MEGF10: variants seen among roughly 807,000 people sequenced by gnomAD.
MEGF10 encodes the protein multiple epidermal growth factor-like domains protein 10.
MEGF10 carries 86 observed loss-of-function variants against 147.5 expected under a neutral mutation model. The observed-to-expected ratio is 0.58, with a 90% CI of 0.49 to 0.70. MEGF10 has a LOEUF of 0.70. Among genes scored for constraint, MEGF10 ranks in the 30% least tolerant of loss-of-function variants. The pLI is 0.00. For missense variants in MEGF10, 1,329 were observed against 1,487.3 expected, an observed-to-expected ratio of 0.89 and a Z score of 1.75; for synonymous variants, 478 against 525.5, an observed-to-expected ratio of 0.91 and a Z score of 1.24.
chr5:127,249,060 A>G, the MEGF10 span, among the ~76,000 whole-genome samples: 2 of 152,176 alleles, frequency 1.3e-5, no homozygotes, highest in Non-Finnish European at 2.9e-5. Flanking sequence ...GGCAAATATG[A>G]ATAAATTTTA....
chr5:127,317,658 C>T (rs1760615277), intron 1 of MEGF10, among the ~76,000 whole-genome samples: 4 of 152,106 alleles, frequency 2.6e-5, no homozygotes, highest in Admixed American at 2.6e-4. Context: ...GGACAGAAAA[C>T]CAAACACCCC....
At chr5:127,422,854 A>C in intron 13 of MEGF10, 82 bp downstream of exon 13, 1 of 993,908 alleles carries the variant, frequency 1.0e-6, no homozygotes, top group Non-Finnish European at 1.5e-6. Flanking sequence ...TCACAGAAAC[A>C]CACACCAGTC....
chr5:127,435,664 C>T (rs1765531220), intron 16 of MEGF10, among the ~76,000 whole-genome samples, 175 bp downstream of exon 16: 2 of 151,354 alleles, frequency 1.3e-5, no homozygotes, highest in African/African-American at 4.9e-5. Flanking sequence ...CCATTACGAC[C>T]TCTATGCAAT....
rs1405509455 is a variant in MEGF10 at position 127,459,917 on chromosome 5, C to G, written c.*2599C>G. ...ATCAATTTGGGTAAAGAAAGGAATA[C>G]TTTTGTTAGAATGAGAATTAAAGAG... On this transcript the variant is annotated 3_prime_UTR_variant, in exon 25 of 25. Transcript: ENST00000503335. 2.6e-5 allele frequency: 4 copies of G among 152,142 alleles called. No homozygotes were observed. Among genetic ancestry groups the G allele is most frequent in the Admixed American group, 2.6e-4 (4 of 15,262 alleles). 9.4% of individuals were successfully genotyped at this position (152,142 alleles called of 1,614,324 possible).
intron 22 of MEGF10, among the ~76,000 whole-genome samples, chr5:127,449,543 A>G (rs1326551109): frequency 6.6e-6 from 1 of 152,208 alleles, no homozygotes; most frequent in Non-Finnish European, 1.5e-5. Context: ...TACTATTGTT[A>G]TCACCATCTG....
At chr5:127,368,826 C>T (rs1206134833) in intron 4 of MEGF10, among the ~76,000 whole-genome samples, 1 of 151,788 alleles carries the variant, frequency 6.6e-6, no homozygotes, top group Non-Finnish European at 1.5e-5. Context: ...ATATTAATGA[C>T]ATGGAAATAT....
chr5:127,357,348 G>T (rs554667060), intron 4 of MEGF10, among the ~76,000 whole-genome samples: 2 of 152,214 alleles, frequency 1.3e-5, no homozygotes, highest in South Asian at 4.1e-4. Context: ...ATATAAAGTG[G>T]CTCCTGATGT....
At position 127,360,862 on chromosome 5, in the gene MEGF10, G is replaced by GTATATA. The variant is rs201793273; in HGVS notation, c.320-9047_320-9046insATATAT. On this transcript the variant is annotated intron_variant, in intron 4 of 24. Coordinates refer to ENST00000503335, the MANE Select transcript of MEGF10 (RefSeq NM_001256545.2). ...TATATATGTGTGTATATATATGTGT[G>GTATATA]TGTATATATATATATATGTTGGAAC... Among the ~76,000 whole-genome samples the GTATATA allele has an allele frequency of 7.3e-3, 1,107 of 151,578 alleles. 10 individuals are homozygous for GTATATA. The highest frequency in any genetic ancestry group is 0.025 in the African/African-American group (1,047 of 41,290).
At chr5:127,273,752 T>C in the MEGF10 span, among the ~76,000 whole-genome samples, 2 of 152,324 alleles carry the variant, frequency 1.3e-5, no homozygotes, top group East Asian at 1.9e-4. Flanking sequence ...GTATATTTGA[T>C]AGCATGCTTT....
intron 4 of MEGF10, among the ~76,000 whole-genome samples, chr5:127,345,120 T>C (rs559938797): frequency 6.6e-6 from 1 of 152,362 alleles, no homozygotes. Context: ...TCTCATTTCA[T>C]GTTTATGTGC....
chr5:127,269,806 G>A, the MEGF10 span, among the ~76,000 whole-genome samples: 1 of 152,070 alleles, frequency 6.6e-6, no homozygotes, highest in East Asian at 1.9e-4. Flanking sequence ...TTGAAATGAG[G>A]GAAAAAATGT....
intron 10 of MEGF10, among the ~76,000 whole-genome samples, chr5:127,418,874 C>T (rs1380170202): frequency 1.3e-5 from 2 of 152,114 alleles, no homozygotes; most frequent in Middle Eastern, 3.2e-3. Context: ...GAAGGCAAAG[C>T]TAATGTAGGT....
chr5:127,453,183 C>T (rs1480619223), intron 22 of MEGF10, among the ~76,000 whole-genome samples: 1 of 152,204 alleles, frequency 6.6e-6, no homozygotes, highest in Non-Finnish European at 1.5e-5. Flanking sequence ...TGTTACTTTA[C>T]TCTCTGCTTT....
chr5:127,443,298 G>A (rs889140027), intron 19 of MEGF10, among the ~76,000 whole-genome samples, 172 bp downstream of exon 19: 1 of 152,140 alleles, frequency 6.6e-6, no homozygotes, highest in Non-Finnish European at 1.5e-5. Flanking sequence ...TTGCTGTCCT[G>A]CAGATAAAGA....
rs149406230 is a variant in MEGF10 at position 127,389,899 on chromosome 5, C to T, written c.413-6633C>T. On this transcript the variant is annotated intron_variant, in intron 5 of 24. Transcript: ENST00000503335. ...CATGAGTTTACCTTCATAACAAACC[C>T]GCACATATACTTCCTTTTTAAAAAG... 8.3e-4 allele frequency among the ~76,000 whole-genome samples: 127 copies of T among 152,226 alleles called. 3 individuals carry two copies. In the East Asian group the frequency reaches 0.011, roughly 13 times the overall value.
At position 127,398,855 on chromosome 5, in the gene MEGF10, C is replaced by T. The variant is rs1461461100; in HGVS notation, c.780+59C>T. 1.9e-6 allele frequency: 3 copies of T among 1,607,626 alleles called. No homozygotes were observed. In the East Asian group the frequency reaches 6.7e-5, roughly 36 times the overall value. ...CCAAAGTCACCCATTCCAGGATACT[C>T]AGTGCATACACATGCAGGAGACTTT... is the stretch of plus-strand genomic sequence containing the variant. On this transcript the variant is annotated intron_variant, in intron 7 of 24. Coordinates refer to ENST00000503335, the MANE Select transcript of MEGF10 (RefSeq NM_001256545.2).
chr5:127,266,375 T>C, the MEGF10 span, among the ~76,000 whole-genome samples: 8 of 152,150 alleles, frequency 5.3e-5, no homozygotes, highest in African/African-American at 1.4e-4. Flanking sequence ...GCTTTGTTCT[T>C]TTGGCTTAGG....
the MEGF10 span, among the ~76,000 whole-genome samples, chr5:127,243,966 G>A: frequency 5.9e-5 from 9 of 151,926 alleles, no homozygotes; most frequent in African/African-American, 2.2e-4. Flanking sequence ...GGAGGTGGAG[G>A]CAGGCGGATC....
chr5:127,280,514 C>G, the MEGF10 span, among the ~76,000 whole-genome samples: 1 of 152,230 alleles, frequency 6.6e-6, no homozygotes, highest in African/African-American at 2.4e-5. Context: ...CATCTGTTAA[C>G]TGTGTTTCTC....
Sources: allele counts gnomAD v4.1 joint callset (sites outside exome capture counted in the v4.1 genomes callset), GRCh38; gene constraint gnomAD v4.1.1; transcripts MANE v1.5; gene names NCBI Gene and HGNC (gene_info 2026-07-23, HGNC 2026-07-21).